The following ALDH1A2 variants were observed in gnomAD, a reference collection of about 807,000 sequenced individuals.
The protein encoded by ALDH1A2 is aldehyde dehydrogenase 1 family member A2.
In ALDH1A2, 27 loss-of-function variants were observed where a neutral mutation model predicts 60.3. That is an observed-to-expected ratio of 0.45 (90% CI 0.33 to 0.62). The LOEUF (loss-of-function observed/expected upper bound fraction) is 0.62, where lower values mean the gene tolerates loss of function less well. Ranked by LOEUF, ALDH1A2 falls within the 20% of genes least tolerant of loss-of-function variation. The pLI, the probability that ALDH1A2 is intolerant of heterozygous loss-of-function variation, is 0.02. For missense variants in ALDH1A2, 581 were observed against 643.8 expected (o/e 0.90, Z 1.06); for synonymous variants, 289 against 232.4 (o/e 1.24, Z -2.21).
intron 1 of ALDH1A2, among the ~76,000 whole-genome samples, chr15:58,052,529 A>G (rs1305603094): frequency 6.6e-6 from 1 of 152,006 alleles, no homozygotes; most frequent in Non-Finnish European, 1.5e-5. Context: ...GCAGTGGCGC[A>G]ATCTCGGCTC....
Position 57,958,819 on chromosome 15 carries a change from GACAAACAA to G in ALDH1A2, c.1484+1943_1484+1950del, listed in dbSNP as rs369818922. 2.6e-3 allele frequency among the ~76,000 whole-genome samples: 389 copies of G among 152,216 alleles called. 1 individual carries two copies. The highest frequency in any genetic ancestry group is 8.4e-3 in the African/African-American group (350 of 41,534). ...AAAACATGTTTTGGGGGTAAGTAGA[GACAAACAA>G]ACAAACAAACATGCAATCTAGACAA... is the stretch of plus-strand genomic sequence containing the variant. On this transcript the variant is annotated intron_variant, in intron 12 of 12. Transcript: ENST00000249750.
At chr15:57,990,983 A>G (rs1894878588) in intron 7 of ALDH1A2, among the ~76,000 whole-genome samples, 1 of 152,088 alleles carries the variant, frequency 6.6e-6, no homozygotes, top group African/African-American at 2.4e-5. Flanking sequence ...TACTTTAAAT[A>G]TTTCATTTCT....
intron 1 of ALDH1A2, among the ~76,000 whole-genome samples, chr15:58,039,916 T>G (rs1896475826): frequency 6.6e-6 from 1 of 151,848 alleles, no homozygotes; most frequent in South Asian, 2.1e-4. Flanking sequence ...TGGTAGGCAC[T>G]GTGCTAGGCA....
At chr15:57,987,105 C>T (rs373090076) in intron 7 of ALDH1A2, among the ~76,000 whole-genome samples, 20 of 152,046 alleles carry the variant, frequency 1.3e-4, no homozygotes, top group African/African-American at 3.9e-4. Context: ...GAAGAATATA[C>T]GAACGTCAAA....
intron 4 of ALDH1A2, among the ~76,000 whole-genome samples, chr15:57,995,841 T>A (rs918276506): frequency 2.6e-5 from 4 of 152,012 alleles, no homozygotes; most frequent in African/African-American, 9.7e-5. Flanking sequence ...CTTACAGGAG[T>A]AATAGGCAAC....
At chr15:58,028,051 C>G (rs557158370) in intron 1 of ALDH1A2, among the ~76,000 whole-genome samples, 1 of 152,082 alleles carries the variant, frequency 6.6e-6, no homozygotes, top group African/African-American at 2.4e-5. Context: ...ACAGAGACCA[C>G]CACAAAGATA....
intron 4 of ALDH1A2, among the ~76,000 whole-genome samples, chr15:57,999,481 C>A (rs1489153289): frequency 6.6e-6 from 1 of 151,986 alleles, no homozygotes; most frequent in Non-Finnish European, 1.5e-5. Flanking sequence ...ATCTAAACCA[C>A]AATGAGAAAC....
intron 1 of ALDH1A2, among the ~76,000 whole-genome samples, chr15:58,027,307 G>A (rs1276867047): frequency 6.6e-6 from 1 of 152,146 alleles, no homozygotes; most frequent in Non-Finnish European, 1.5e-5. Context: ...GGGCCTGACT[G>A]TTAGAAGGAA....
chr15:58,061,324 C>A (rs1288009319), intron 1 of ALDH1A2, among the ~76,000 whole-genome samples: 1 of 151,564 alleles, frequency 6.6e-6, no homozygotes, highest in Non-Finnish European at 1.5e-5. Context: ...GTTTGACTGA[C>A]AATTTATGAC....
At chr15:57,956,082 G>C (rs1893515257) in intron 12 of ALDH1A2, among the ~76,000 whole-genome samples, 2 of 152,108 alleles carry the variant, frequency 1.3e-5, no homozygotes, top group Admixed American at 1.3e-4. Flanking sequence ...CAAGGGGCTT[G>C]AATATCTCTG....
At chr15:58,057,146 A>G (rs1365804155) in intron 1 of ALDH1A2, among the ~76,000 whole-genome samples, 1 of 152,168 alleles carries the variant, frequency 6.6e-6, no homozygotes, top group East Asian at 1.9e-4. Flanking sequence ...TTACTGCAAT[A>G]ACAAAATGCT....
intron 7 of ALDH1A2, among the ~76,000 whole-genome samples, chr15:57,967,840 G>A (rs1475050164): frequency 6.6e-6 from 1 of 152,152 alleles, no homozygotes; most frequent in Non-Finnish European, 1.5e-5. Context: ...AAAGGCCTCA[G>A]GAAGACCTGG....
intron 1 of ALDH1A2, among the ~76,000 whole-genome samples, chr15:58,023,658 G>GAAAAAAA (rs57467358): frequency 2.3e-5 from 3 of 129,426 alleles, no homozygotes; most frequent in Middle Eastern, 4.0e-3. Context: ...AAAGTGCTGG[G>GAAAAAAA]AAAAAAAAAA....
intron 9 of ALDH1A2, 144 bp from the exon 10 acceptor site, chr15:57,962,320 C>A: frequency 3.0e-6 from 3 of 992,732 alleles, no homozygotes; most frequent in East Asian, 2.6e-5. Context: ...TGTTACTTAC[C>A]AATTTTTGAC....
At chr15:58,062,746 A>G (rs1454771745) in intron 1 of ALDH1A2, among the ~76,000 whole-genome samples, 1 of 152,204 alleles carries the variant, frequency 6.6e-6, no homozygotes, top group Non-Finnish European at 1.5e-5. Context: ...CTTGGGATCC[A>G]GCTTGCTGTA....
chr15:58,023,931 T>A (rs1401237715), intron 1 of ALDH1A2, among the ~76,000 whole-genome samples: 1 of 152,036 alleles, frequency 6.6e-6, no homozygotes, highest in Non-Finnish European at 1.5e-5. Context: ...TCCTCTCCAC[T>A]GAAAATACAA....
intron 12 of ALDH1A2, 144 bp downstream of exon 12, chr15:57,960,626 C>T (rs547810916): frequency 5.6e-6 from 4 of 715,304 alleles, no homozygotes; most frequent in Non-Finnish European, 9.7e-6. Flanking sequence ...TGTAATAGAA[C>T]TTAGCTTATA....
At chr15:57,977,470 G>A (rs1256361959) in intron 7 of ALDH1A2, among the ~76,000 whole-genome samples, 2 of 151,722 alleles carry the variant, frequency 1.3e-5, no homozygotes, top group African/African-American at 2.4e-5. Context: ...TGGCTAGCCA[G>A]TTTTCCCAAT....
At chr15:57,998,534 T>TA (rs576876872) in intron 4 of ALDH1A2, among the ~76,000 whole-genome samples, 193 of 152,090 alleles carry the variant, frequency 1.3e-3, no homozygotes, top group Non-Finnish European at 2.2e-3. Flanking sequence ...TAAAAACCAC[T>TA]AATCAGGGAA....
Sources: gnomAD v4.1 joint callset for allele counts (sites outside exome capture counted in the v4.1 genomes callset) on GRCh38, gnomAD v4.1.1 for gene constraint, MANE v1.5 for transcripts, NCBI Gene and HGNC (gene_info 2026-07-23, HGNC 2026-07-21) for gene names.